The following SNAP91 variants were observed in gnomAD, a reference collection of about 807,000 sequenced individuals.
The protein encoded by SNAP91 is synaptosome associated protein 91.
In SNAP91, 27 loss-of-function variants were observed where a neutral mutation model predicts 100.3. That is an observed-to-expected ratio of 0.27 (90% CI 0.20 to 0.37). The LOEUF (loss-of-function observed/expected upper bound fraction) is 0.37, where lower values mean the gene tolerates loss of function less well. Ranked by LOEUF, SNAP91 falls within the 10% of genes least tolerant of loss-of-function variation. SNAP91 has a pLI of 1.00. For missense variants in SNAP91, 986 were observed against 1,123.7 expected (o/e 0.88, Z 1.75); for synonymous variants, 404 against 398.6 (o/e 1.01, Z -0.16).
At chr6:83,687,249 T>C (rs779360332) in intron 2 of SNAP91, among the ~76,000 whole-genome samples, 1 of 152,218 alleles carries the variant, frequency 6.6e-6, no homozygotes, top group Non-Finnish European at 1.5e-5. Flanking sequence ...ATGGTTTTAG[T>C]TATTCTTACC....
At chr6:83,579,443 A>G (rs1400881253) in intron 24 of SNAP91, among the ~76,000 whole-genome samples, 1 of 152,226 alleles carries the variant, frequency 6.6e-6, no homozygotes, top group Admixed American at 6.5e-5. Context: ...GGTTGCTCAA[A>G]TCACAGGGAA....
At chr6:83,695,664 T>C (rs1587968773) in intron 2 of SNAP91, among the ~76,000 whole-genome samples, 1 of 152,186 alleles carries the variant, frequency 6.6e-6, no homozygotes, top group Middle Eastern at 3.4e-3. Flanking sequence ...CTTGCAGCAA[T>C]TGAGTGCTCG....
At chr6:83,628,738 G>A (rs1409792031) in intron 8 of SNAP91, among the ~76,000 whole-genome samples, 2 of 151,506 alleles carry the variant, frequency 1.3e-5, no homozygotes, top group African/African-American at 2.4e-5. Flanking sequence ...GCTGATTTGA[G>A]TTCATTGTAG....
At chr6:83,609,998 C>A (rs141188986) in intron 12 of SNAP91, among the ~76,000 whole-genome samples, 222 of 152,276 alleles carry the variant, frequency 1.5e-3, no homozygotes, top group Non-Finnish European at 2.6e-3. Context: ...TACTATACTA[C>A]ATTGGACTTA....
intron 2 of SNAP91, among the ~76,000 whole-genome samples, chr6:83,694,907 C>T (rs543912071): frequency 7.1e-4 from 108 of 152,216 alleles, no homozygotes; most frequent in Non-Finnish European, 1.4e-3. Context: ...AAACAAAAAT[C>T]TTTCAACTGA....
intron 28 of SNAP91, among the ~76,000 whole-genome samples, chr6:83,559,356 T>C (rs1405817503): frequency 1.3e-5 from 2 of 152,206 alleles, no homozygotes; most frequent in Admixed American, 1.3e-4. Flanking sequence ...CTTGCGATAC[T>C]GCATGTGTAC....
rs1034745087 is a variant in SNAP91 at position 83,579,578 on chromosome 6, C to T, written c.2299+872G>A. 2.6e-5 allele frequency among the ~76,000 whole-genome samples: 4 copies of T among 152,186 alleles called. No homozygotes were observed. The South Asian group carries it at 6.2e-4, about 24-fold the overall frequency. Reference sequence around the variant, plus strand: ...GTATCTACAGTGGTAAACCCATTCACATGAATACAAAATTCAGAATTAAGA... The same window carrying T: ...GTATCTACAGTGGTAAACCCATTCATATGAATACAAAATTCAGAATTAAGA... On this transcript the variant is annotated intron_variant, in intron 24 of 29. Coordinates refer to ENST00000369694, the MANE Select transcript of SNAP91 (RefSeq NM_001242792.2).
At chr6:83,599,020 A>C (rs531895386) in intron 16 of SNAP91, among the ~76,000 whole-genome samples, 1 of 152,314 alleles carries the variant, frequency 6.6e-6, no homozygotes, top group South Asian at 2.1e-4. Context: ...GGATATTGAT[A>C]AAATCACAAG....
chr6:83,572,196 A>G (rs1260513318), intron 26 of SNAP91, among the ~76,000 whole-genome samples: 1 of 152,048 alleles, frequency 6.6e-6, no homozygotes, highest in Non-Finnish European at 1.5e-5. Flanking sequence ...ATTCTAACTG[A>G]AAATTTGTCT....
chr6:83,557,963 T>G (rs1325488804), intron 28 of SNAP91, among the ~76,000 whole-genome samples: 1 of 151,838 alleles, frequency 6.6e-6, no homozygotes, highest in Non-Finnish European at 1.5e-5. Flanking sequence ...ATATAGGAAA[T>G]ATAATCTAAA....
chr6:83,666,202 A>G (rs2098681577), intron 2 of SNAP91, among the ~76,000 whole-genome samples: 1 of 152,122 alleles, frequency 6.6e-6, no homozygotes, highest in South Asian at 2.1e-4. Flanking sequence ...TTTATAATAC[A>G]TTCACTGTTC....
rs2093317391 is a variant in SNAP91, at chr6:83,588,979, GAA to G, written c.2014+2230_2014+2231del. Among the ~76,000 whole-genome samples, 3 of 152,282 alleles carry G rather than the reference GAA, an allele frequency of 2.0e-5. No individual in the cohort carries two copies. The South Asian group carries it at 6.2e-4, about 32-fold the overall frequency. On this transcript the variant is annotated intron_variant, in intron 22 of 29. Coordinates refer to ENST00000369694, the MANE Select transcript of SNAP91 (RefSeq NM_001242792.2). The stretch of plus-strand genomic sequence containing the variant: ...GGGGATGGGATACCCAGGAGAGAAA[GAA>G]AGAATTCATAGGCTTCTGTGAAAGG...
chr6:83,603,981 TTA>T (rs2095455533), intron 14 of SNAP91, among the ~76,000 whole-genome samples: 1 of 149,636 alleles, frequency 6.7e-6, no homozygotes, highest in African/African-American at 2.6e-5. Flanking sequence ...CAAAAAGTAT[TTA>T]GAGATGAAAA....
At chr6:83,638,535 TA>T (rs540792685) in intron 8 of SNAP91, among the ~76,000 whole-genome samples, 142 of 152,314 alleles carry the variant, frequency 9.3e-4, no homozygotes, top group African/African-American at 3.3e-3. Context: ...ATGATCCATT[TA>T]AAAATATTAA....
At chr6:83,595,917 A>G (rs1400007095) in intron 16 of SNAP91, among the ~76,000 whole-genome samples, 3 of 152,244 alleles carry the variant, frequency 2.0e-5, no homozygotes, top group Admixed American at 6.5e-5. Context: ...ACATTAAACT[A>G]GATACTTACT....
intron 9 of SNAP91, among the ~76,000 whole-genome samples, chr6:83,622,530 G>C (rs2096770783): frequency 6.6e-6 from 1 of 151,986 alleles, no homozygotes; most frequent in Non-Finnish European, 1.5e-5. Context: ...TAGCAGCTCT[G>C]TGTTTTCTCC....
intron 26 of SNAP91, among the ~76,000 whole-genome samples, chr6:83,562,628 C>A (rs1471264746): frequency 6.6e-6 from 1 of 152,142 alleles, no homozygotes; most frequent in Non-Finnish European, 1.5e-5. Context: ...CTAGATACAA[C>A]CTACTTGATT....
chr6:83,688,597 A>T (rs929166562), intron 2 of SNAP91, among the ~76,000 whole-genome samples: 3 of 148,434 alleles, frequency 2.0e-5, no homozygotes, highest in Non-Finnish European at 4.4e-5. Flanking sequence ...GCCACATCCC[A>T]GGTTCAAGCG....
chr6:83,571,420 C>T (rs1807508594), intron 26 of SNAP91, among the ~76,000 whole-genome samples: 1 of 152,158 alleles, frequency 6.6e-6, no homozygotes, highest in Non-Finnish European at 1.5e-5. Context: ...CCACCTCTTG[C>T]ATCATGTGTG....
Sources: allele counts gnomAD v4.1 joint callset (sites outside exome capture counted in the v4.1 genomes callset), GRCh38; gene constraint gnomAD v4.1.1; transcripts MANE v1.5; gene names NCBI Gene and HGNC (gene_info 2026-07-23, HGNC 2026-07-21).